The following KDR variants were observed in gnomAD, a reference collection of about 807,000 sequenced individuals.
KDR encodes the protein kinase insert domain receptor.
In KDR, 43 loss-of-function variants were observed where a neutral mutation model predicts 160.9. The observed-to-expected ratio is 0.27, with a 90% confidence interval of 0.21 to 0.34. The LOEUF (loss-of-function observed/expected upper bound fraction) is 0.34. Ranked by LOEUF, KDR falls within the 10% of genes least tolerant of loss-of-function variation. The probability of loss-of-function intolerance (pLI) is 1.00; values close to 1 mark genes in which losing one functional copy is unlikely to be tolerated. For synonymous variants in KDR, 617 were observed against 600.1 expected (o/e 1.03, Z -0.41); for missense variants, 1,469 against 1,666.4 (o/e 0.88, Z 2.06).
intron 1 of KDR, among the ~76,000 whole-genome samples, chr4:55,124,978 G>T (rs1164217818): frequency 6.6e-6 from 1 of 152,196 alleles, no homozygotes; most frequent in Non-Finnish European, 1.5e-5. Context: ...ACATGCTCCA[G>T]CCGAGGTCCC....
rs747377229 is a variant in KDR, at chr4:55,114,945, C to G, written c.587G>C (p.Gly196Ala). The change falls in exon 5 of 30, where the codon GGC becomes GCC. Residue 196 changes from glycine (G) to alanine (A), a missense_variant. Gly to Ala is a moderately conservative substitution (Grantham distance 60, BLOSUM62 0). Around this residue, in one of 7 missense-constraint regions of KDR, gnomAD observed 792 missense variants for 840.9 expected, o/e 0.94. Transcript: ENST00000263923. ...TIPSYMISYA[G>A]MVFCEAKIND... The stretch of plus-strand genomic sequence containing the variant: ...AATTTTTGCTTCACAGAAGACCATG[C>G]CAGCATAGCTGATCATGTAGCTGGG... 1.2e-5 allele frequency: 20 copies of G among 1,613,572 alleles called. No individual in the cohort carries two copies. The South Asian group carries it at 1.9e-4, about 15-fold the overall frequency.
intron 27 of KDR, among the ~76,000 whole-genome samples, chr4:55,086,921 C>T (rs1179578933): frequency 6.6e-6 from 1 of 152,296 alleles, no homozygotes; most frequent in African/African-American, 2.4e-5. Flanking sequence ...GTAGTCCCAG[C>T]CTTAGTAAAG....
At chr4:55,115,103 A>G (rs2110031888) in intron 4 of KDR, 61 bp from the exon 5 acceptor site, 2 of 1,402,532 alleles carry the variant, frequency 1.4e-6, no homozygotes, top group Admixed American at 3.5e-5. Context: ...AGCCATGTAC[A>G]ATGATCACTG....
At chr4:55,094,392 T>C (rs180988327) in intron 21 of KDR, among the ~76,000 whole-genome samples, 2 of 152,214 alleles carry the variant, frequency 1.3e-5, no homozygotes, top group East Asian at 1.9e-4. Context: ...GAAGGTTAGG[T>C]ATAATGAAAA....
Position 55,095,624 on chromosome 4 carries a change from G to C in KDR, c.2770C>G (p.Leu924Val). Reference protein sequence around the residue: ...VIVEFCKFGNLSTYLRSKRNE... With the variant: ...VIVEFCKFGNVSTYLRSKRNE... ...CTCTTGCTCCTCAGGTAAGTGGACAGGTTTCCAAATTTGCAGAATTCCACA... is the reference window on the plus strand; with the variant it reads ...CTCTTGCTCCTCAGGTAAGTGGACACGTTTCCAAATTTGCAGAATTCCACA... Residue 924 changes from leucine to valine, a missense_variant, in exon 20 of 30, where the codon CTG becomes GTG. Leu to Val is a conservative substitution (Grantham distance 32). Transcript: ENST00000263923. 6.2e-7 allele frequency: 1 copy of C among 1,613,826 alleles called. No individual in the cohort carries two copies.
At chr4:55,080,281 T>C in intron 29 of KDR, 118 bp from the exon 30 acceptor site, 2 of 829,346 alleles carry the variant, frequency 2.4e-6, no homozygotes, top group Non-Finnish European at 4.0e-6. Context: ...CGCAGCCCCG[T>C]ATCTCTCCCA....
At chr4:55,102,149 G>C in intron 14 of KDR, 121 bp from the exon 15 acceptor site, 1 of 1,421,472 alleles carries the variant, frequency 7.0e-7, no homozygotes, top group South Asian at 1.2e-5. Context: ...ACTCTGTAGA[G>C]TCACATGGGA....
chr4:55,110,443 T>C lies in KDR; in HGVS notation c.1215A>G (p.Ser405=), dbSNP rs2110027286. The C allele has an allele frequency of 3.7e-6, 6 of 1,614,108 alleles. No individual in the cohort carries two copies. Among genetic ancestry groups the C allele is most frequent in the Non-Finnish European group, 5.1e-6 (6 of 1,179,976 alleles). The change falls in exon 9 of 30, where the codon TCA becomes TCG. Residue 405 remains serine, a synonymous_variant. Coordinates refer to ENST00000263923, the MANE Select transcript of KDR (RefSeq NM_002253.4). ...AGACCACATGGCTCTGCTTCTCCTT[T>C]GAAATGGGATTGGTAAGGATGACAG... ...NYTVILTNPI[S]KEKQSHVVSL...
intron 9 of KDR, among the ~76,000 whole-genome samples, chr4:55,108,280 A>T: frequency 6.6e-6 from 1 of 152,170 alleles, no homozygotes; most frequent in East Asian, 1.9e-4. Flanking sequence ...AACAAGCTGA[A>T]TGACTTTATG....
Position 55,115,183 on chromosome 4 carries a change from C to A in KDR, c.489+98G>T, listed in dbSNP as rs542118008. 1,081 of 1,288,616 alleles carry A rather than the reference C, an allele frequency of 8.4e-4. 6 individuals carry two copies. The highest frequency in any genetic ancestry group is 8.8e-5 in the Non-Finnish European group (79 of 893,288). 79.8% of individuals were successfully genotyped at this position (1,288,616 alleles called of 1,614,324 possible). On this transcript the variant is annotated intron_variant, in intron 4 of 29. Coordinates refer to ENST00000263923, the MANE Select transcript of KDR (RefSeq NM_002253.4). ...TGCATTTGACCCTTCCTAAAGGATC[C>A]TTAAAACTCATTGTGAATATTATAA... is the stretch of plus-strand genomic sequence containing the variant.
intron 29 of KDR, 106 bp from the exon 30 acceptor site, chr4:55,080,269 AC>A: frequency 1.1e-5 from 10 of 938,750 alleles, no homozygotes; most frequent in Non-Finnish European, 1.7e-5. Context: ...CTCCCTGGAG[AC>A]CGCAGCCCCG....
At chr4:55,084,212 T>A (rs935369201) in intron 27 of KDR, among the ~76,000 whole-genome samples, 4 of 152,224 alleles carry the variant, frequency 2.6e-5, no homozygotes, top group African/African-American at 9.6e-5. Context: ...ACTGAAGGAT[T>A]TTAGGCATGG....
chr4:55,118,650 G>A lies in KDR; in HGVS notation c.312C>T (p.Phe104=). 1 of 1,614,188 alleles carries A rather than the reference G, an allele frequency of 6.2e-7. No individual in the cohort carries two copies. Among genetic ancestry groups the A allele is most frequent in the Non-Finnish European group, 8.5e-7 (1 of 1,180,024 alleles). ...IGNDTGAYKC[F]YRETDLASVI... ...CCGAGGCCAAGTCAGTTTCCCGGTAGAAGCACTTGTAGGCTCCAGTGTCAT... is the reference window on the plus strand; with the variant it reads ...CCGAGGCCAAGTCAGTTTCCCGGTAAAAGCACTTGTAGGCTCCAGTGTCAT... Residue 104 remains phenylalanine, a synonymous_variant, in exon 3 of 30, where the codon TTC becomes TTT. Transcript: ENST00000263923.
In KDR at chr4:55,096,374, G is replaced by T. The variant is rs770783268; in HGVS notation, c.2615-32C>A. On this transcript the variant is annotated intron_variant, in intron 18 of 29. Transcript: ENST00000263923. ...ATACAGTACAAAGAGGGAAATCATA[G>T]GTATGGACATTTCCTTCAATAATTG... 2.7e-5 allele frequency: 40 copies of T among 1,482,852 alleles called. No homozygotes were observed. In the Admixed American group the frequency reaches 6.6e-4, roughly 24 times the overall value. 91.9% of individuals were successfully genotyped at this position (1,482,852 alleles called of 1,614,324 possible).
chr4:55,088,905 T>C lies in KDR; in HGVS notation c.3473A>G (p.Glu1158Gly). The change falls in exon 26 of 30, where the codon GAA becomes GGA. Residue 1158 changes from glutamate (E) to glycine (G), a missense_variant. This residue lies in a region of KDR where 132 missense variants were observed against 195.9 expected (regional missense o/e 0.67). Coordinates refer to ENST00000263923, the MANE Select transcript of KDR (RefSeq NM_002253.4). ...SQRPTFSELV[E>G]HLGNLLQANA... is the part of the protein sequence containing the mutation. ...AGCTTGCAAGAGATTTCCCAAATGT[T>C]CCACCAACTCTGAAAACGTGGGTCT... is the stretch of plus-strand genomic sequence containing the variant. 6.2e-7 allele frequency: 1 copy of C among 1,614,114 alleles called. No individual in the cohort carries two copies. Among genetic ancestry groups the C allele is most frequent in the Non-Finnish European group, 8.5e-7 (1 of 1,179,976 alleles).
intron 16 of KDR, 134 bp downstream of exon 16, chr4:55,098,563 A>C: frequency 1.3e-6 from 1 of 769,358 alleles, no homozygotes; most frequent in Non-Finnish European, 2.3e-6. Flanking sequence ...GTGGGCAGGA[A>C]CGTTATTGTA....
Position 55,098,281 on chromosome 4 carries a change from C to T in KDR, c.2374-9G>A. 1.2e-6 allele frequency: 2 copies of T among 1,613,628 alleles called. No homozygotes were observed. Among genetic ancestry groups the T allele is most frequent in the Non-Finnish European group, 8.5e-7 (1 of 1,179,750 alleles). ...AGTTCCCCTCCATTGGCCTGGAAAG[C>T]ATCAATCCTTCCAGTCATAAACACA... On this transcript the variant is annotated splice_polypyrimidine_tract_variant and intron_variant, in intron 16 of 29. Transcript: ENST00000263923.
intron 13 of KDR, 147 bp from the exon 14 acceptor site, chr4:55,102,655 A>G: frequency 1.2e-6 from 1 of 805,198 alleles, no homozygotes; most frequent in East Asian, 2.7e-5. Context: ...GTCACTGGGT[A>G]AAGTTAAATG....
intron 14 of KDR, 80 bp downstream of exon 14, chr4:55,102,282 A>G (rs952901772): frequency 6.6e-7 from 1 of 1,512,688 alleles, no homozygotes; most frequent in Non-Finnish European, 9.2e-7. Flanking sequence ...TCTACATTAC[A>G]TCAAGAAATA....
Sources: gnomAD v4.1 joint callset for allele counts (sites outside exome capture counted in the v4.1 genomes callset) on GRCh38, gnomAD v4.1.1 for gene constraint, gnomAD v4.1.1 regional missense constraint, MANE v1.5 for transcripts, NCBI Gene and HGNC (gene_info 2026-07-23, HGNC 2026-07-21) for gene names.